SH2D3C: variants seen among roughly 807,000 people sequenced by gnomAD.
SH2D3C encodes the protein SH2 domain containing 3C.
SH2D3C carries 25 observed loss-of-function variants against 75.2 expected under a neutral mutation model. The ratio of observed to expected loss-of-function variants is 0.33; its 90% CI spans 0.24 to 0.46. SH2D3C has a LOEUF of 0.46. Ranked by LOEUF, SH2D3C falls within the 20% of genes least tolerant of loss-of-function variation. The probability of loss-of-function intolerance (pLI) is 1.00; values close to 1 mark genes in which losing one functional copy is unlikely to be tolerated. For synonymous variants in SH2D3C, 450 were observed against 473.7 expected (o/e 0.95, Z 0.65); for missense variants, 933 against 1,165.3 (o/e 0.80, Z 2.90).
chr9:127,775,931 C>T (rs180681532), intron 1 of SH2D3C, among the ~76,000 whole-genome samples: 1 of 152,014 alleles, frequency 6.6e-6, no homozygotes, highest in African/African-American at 2.4e-5. Flanking sequence ...TGGGTTCAAG[C>T]GATTCTCCTG....
At chr9:127,776,639 C>T (rs574451324) in intron 1 of SH2D3C, among the ~76,000 whole-genome samples, 48 of 152,378 alleles carry the variant, frequency 3.2e-4, no homozygotes, top group Admixed American at 1.2e-3. Context: ...TCAGCATCCT[C>T]CACCTCCTCA....
intron 3 of SH2D3C, among the ~76,000 whole-genome samples, chr9:127,752,881 G>C (rs1845240381): frequency 6.6e-6 from 1 of 152,142 alleles, no homozygotes; most frequent in African/African-American, 2.4e-5. Flanking sequence ...TAGTCAGGGG[G>C]CAGAGTCAGG....
chr9:127,762,199 AG>A, intron 2 of SH2D3C: 2 of 1,191,606 alleles, frequency 1.7e-6, no homozygotes, highest in Non-Finnish European at 2.1e-6. Context: ...CCGGTGCTAG[AG>A]GGCTACAGAA....
In SH2D3C at chr9:127,749,609, G is replaced by C; in HGVS notation, c.741C>G (p.Thr247=). The change falls in exon 5 of 12, where the codon ACC becomes ACG. Residue 247 remains threonine (T), a synonymous_variant. Coordinates refer to ENST00000314830, the MANE Select transcript of SH2D3C (RefSeq NM_170600.3). This position sits in a 1 kb window ranked among gnomAD's most constrained non-coding sequence, Gnocchi z 5.9. ...NGDFLIRDSL[T]SLGDYVLTCR... is the part of the protein sequence containing the mutation. ...ACGTGAGCACATAGTCGCCCAGGCTGGTGAGTGAGTCCCGGATGAGGAAGT... is the reference window on the plus strand; with the variant it reads ...ACGTGAGCACATAGTCGCCCAGGCTCGTGAGTGAGTCCCGGATGAGGAAGT... 6.3e-7 allele frequency: 1 copy of C among 1,594,952 alleles called. No individual in the cohort carries two copies. The highest frequency in any genetic ancestry group is 8.5e-7 in the Non-Finnish European group (1 of 1,171,534).
At chr9:127,759,485 G>A (rs1041609656) in intron 3 of SH2D3C, among the ~76,000 whole-genome samples, 13 of 152,288 alleles carry the variant, frequency 8.5e-5, no homozygotes, top group African/African-American at 3.1e-4. Context: ...CAAAGTGCTG[G>A]GATTACAGGC....
rs1307447847 is a variant in SH2D3C at position 127,751,162 on chromosome 9, G to A, written c.684+10C>T. On this transcript the variant is annotated intron_variant, in intron 4 of 11. Transcript: ENST00000314830. This position sits in a 1 kb window ranked among gnomAD's most constrained non-coding sequence, Gnocchi z 4.1. ...GTCCCGGGTTGAAGTCCAGCTCGGGGCCTACTCACCTCTCGGGGGATGCGG... is the reference window on the plus strand; with the variant it reads ...GTCCCGGGTTGAAGTCCAGCTCGGGACCTACTCACCTCTCGGGGGATGCGG... 1 of 1,613,138 alleles carries A rather than the reference G, an allele frequency of 6.2e-7. No individual in the cohort carries two copies. The highest frequency in any genetic ancestry group is 2.2e-5 in the East Asian group (1 of 44,878).
chr9:127,748,201 G>A (rs1845090642), intron 5 of SH2D3C, among the ~76,000 whole-genome samples: 1 of 152,272 alleles, frequency 6.6e-6, no homozygotes, highest in East Asian at 1.9e-4. Flanking sequence ...TGAGCCTTAA[G>A]GAGTGGGCCC....
intron 2 of SH2D3C, among the ~76,000 whole-genome samples, chr9:127,763,007 T>G (rs1181413782): frequency 4.6e-5 from 7 of 152,116 alleles, no homozygotes; most frequent in Non-Finnish European, 1.0e-4. Flanking sequence ...CTGCCGACCC[T>G]CCAGGCTGTC....
At chr9:127,744,288 C>G (rs971080929) in intron 7 of SH2D3C, among the ~76,000 whole-genome samples, 2 of 152,010 alleles carry the variant, frequency 1.3e-5, no homozygotes, top group African/African-American at 4.8e-5. Context: ...CCAGGCTGGT[C>G]TTGAACTCCT....
chr9:127,764,610 C>T (rs1845598277), intron 2 of SH2D3C, among the ~76,000 whole-genome samples: 2 of 152,318 alleles, frequency 1.3e-5, no homozygotes, highest in African/African-American at 4.8e-5. Context: ...TCTCCCCCAC[C>T]CCACCTCAGG....
intron 6 of SH2D3C, among the ~76,000 whole-genome samples, chr9:127,746,517 T>C (rs574160012): frequency 6.6e-6 from 1 of 152,202 alleles, no homozygotes; most frequent in Non-Finnish European, 1.5e-5. Flanking sequence ...TTAAGAAAAA[T>C]AGAGGCCAGG....
Position 127,741,937 on chromosome 9 carries a change from G to A in SH2D3C, c.1939C>T (p.Leu647=), listed in dbSNP as rs766472665. ...GTGCAGCCCAGGATGTCCACGGCCA[G>A]CATGATGGACATGGTGTGGAACCTG... ...LERFHTMSIM[L]AVDILGCTGS... is the part of the protein sequence containing the mutation. The change falls in exon 9 of 12, where the codon CTG becomes TTG. Residue 647 remains leucine, a synonymous_variant. Transcript: ENST00000314830. The A allele has an allele frequency of 3.1e-6, 5 of 1,612,564 alleles. No individual in the cohort carries two copies. In the South Asian group the frequency reaches 4.4e-5, roughly 14 times the overall value.
chr9:127,755,996 CT>C (rs908623181), intron 3 of SH2D3C, among the ~76,000 whole-genome samples: 1 of 152,206 alleles, frequency 6.6e-6, no homozygotes, highest in Non-Finnish European at 1.5e-5. Context: ...TTCAAGCTTC[CT>C]GTCTTAGAAA....
chr9:127,745,056 T>C lies in SH2D3C; in HGVS notation c.1308A>G (p.Ala436=). ...HAAPAAPSAT[A]LPASPVARRS... ...GGCGGGCGACAGGGGAGGCAGGCAA[T>C]GCTGTGGCAGAAGGGGCTGCAGGGG... The change falls in exon 7 of 12, where the codon GCA becomes GCG. Residue 436 remains alanine, a synonymous_variant. Transcript: ENST00000314830. 1 of 1,510,296 alleles carries C rather than the reference T, an allele frequency of 6.6e-7. No individual in the cohort carries two copies. Among genetic ancestry groups the C allele is most frequent in the Non-Finnish European group, 8.8e-7 (1 of 1,130,398 alleles). 93.6% of individuals were successfully genotyped at this position (1,510,296 alleles called of 1,614,324 possible).
intron 8 of SH2D3C, 55 bp from the exon 9 acceptor site, chr9:127,742,014 C>A: frequency 6.6e-7 from 1 of 1,518,412 alleles, no homozygotes. Context: ...GTGAGGGGTG[C>A]GGGCCTGGGG....
chr9:127,756,368 G>A (rs1845378954), intron 3 of SH2D3C, among the ~76,000 whole-genome samples: 1 of 152,228 alleles, frequency 6.6e-6, no homozygotes, highest in African/African-American at 2.4e-5. Context: ...TGCAAAGGGA[G>A]CCATTGCTGA....
chr9:127,766,095 C>A (rs1253828480), intron 2 of SH2D3C, among the ~76,000 whole-genome samples: 5 of 152,238 alleles, frequency 3.3e-5, no homozygotes, highest in Non-Finnish European at 5.9e-5. Context: ...GGCCTTCATC[C>A]TGGGCCAGAA....
intron 2 of SH2D3C, 35 bp from the exon 3 acceptor site, chr9:127,761,685 C>T (rs1334701771): frequency 1.9e-6 from 3 of 1,594,644 alleles, no homozygotes; most frequent in East Asian, 2.2e-5. Context: ...CATCCCCAGC[C>T]CTGCTTGGCT....
At chr9:127,757,620 TGATGATGATG>T (rs1564419714) in intron 3 of SH2D3C, among the ~76,000 whole-genome samples, 64 of 120,174 alleles carry the variant, frequency 5.3e-4, no homozygotes, top group Middle Eastern at 4.2e-3. Context: ...ATGATGATGA[TGATGATGATG>T]ATGATGATGA....
Sources: gnomAD v4.1 joint callset for allele counts (sites outside exome capture counted in the v4.1 genomes callset) on GRCh38, gnomAD v4.1.1 for gene constraint, Gnocchi (gnomAD v3.1) non-coding constraint, MANE v1.5 for transcripts, NCBI Gene and HGNC (gene_info 2026-07-23, HGNC 2026-07-21) for gene names.